The following MAP3K2 variants were observed in gnomAD, a reference collection of about 807,000 sequenced individuals.
MAP3K2 encodes MAP/ERK kinase kinase 2.
MAP3K2 carries 24 observed loss-of-function variants against 80.3 expected under a neutral mutation model. The observed-to-expected ratio is 0.30, with a 90% CI of 0.22 to 0.42. MAP3K2 has a LOEUF of 0.42. Among genes scored for constraint, MAP3K2 ranks in the 10% least tolerant of loss-of-function variants. The pLI is 1.00. For synonymous variants in MAP3K2, 244 were observed against 253.7 expected (o/e 0.96, Z 0.36); for missense variants, 608 against 750.1 (o/e 0.81, Z 2.21).
At chr2:127,368,232 G>GA (rs1363969651) in intron 1 of MAP3K2, among the ~76,000 whole-genome samples, 3 of 151,978 alleles carry the variant, frequency 2.0e-5, no homozygotes, top group Non-Finnish European at 2.9e-5. Context: ...TGAGGCACAA[G>GA]AATCACTTGA....
At chr2:127,371,018 T>C (rs1687054346) in intron 1 of MAP3K2, among the ~76,000 whole-genome samples, 2 of 152,296 alleles carry the variant, frequency 1.3e-5, no homozygotes, top group Non-Finnish European at 2.9e-5. Flanking sequence ...TGCCCAGTAA[T>C]GCAAGAACGA....
chr2:127,367,835 G>C (rs897496396), intron 1 of MAP3K2, among the ~76,000 whole-genome samples: 1 of 152,074 alleles, frequency 6.6e-6, no homozygotes, highest in South Asian at 2.1e-4. Context: ...AACAAAGCCA[G>C]TCAAACTTTA....
In MAP3K2 at chr2:127,317,771, G is replaced by T. The variant is rs1287663461; in HGVS notation, c.1195-11C>A. On this transcript the variant is annotated splice_polypyrimidine_tract_variant and intron_variant, in intron 13 of 16. Coordinates refer to ENST00000682094, the MANE Select transcript of MAP3K2 (RefSeq NM_001371910.2). ...AAGTGCATTTACTTCCTGAAAGAGA[G>T]AATTCATTGTTAAGTCTTCAACAAT... 2 of 1,594,930 alleles carry T rather than the reference G, an allele frequency of 1.3e-6. No homozygotes were observed. Among genetic ancestry groups the T allele is most frequent in the East Asian group, 2.2e-5 (1 of 44,454 alleles).
At chr2:127,328,869 CTCTTT>C (rs1185432774) in intron 7 of MAP3K2, among the ~76,000 whole-genome samples, 1 of 152,112 alleles carries the variant, frequency 6.6e-6, no homozygotes, top group Non-Finnish European at 1.5e-5. Context: ...GTTTTTCCTC[CTCTTT>C]AACTTTTCTC....
chr2:127,354,813 C>A (rs924342378), intron 1 of MAP3K2, among the ~76,000 whole-genome samples: 1 of 151,904 alleles, frequency 6.6e-6, no homozygotes. Context: ...AGAATTAGTA[C>A]AGTTGTCACA....
rs749525172 is a variant in MAP3K2 at position 127,322,178 on chromosome 2, C to T, written c.913G>A (p.Asp305Asn). 1 of 1,613,948 alleles carries T rather than the reference C, an allele frequency of 6.2e-7. No homozygotes were observed. The highest frequency in any genetic ancestry group is 1.3e-5 in the African/African-American group (1 of 75,026). ...CCACTACTAGTGCTTAAGGAATGAT[C>T]AGTAGGACTGAAACTCACAGGAGAC... The part of the protein sequence containing the change: ...LRSPVSFSPT[D>N]HSLSTSSGSS... Residue 305 changes from aspartate (D) to asparagine (N), a missense_variant, in exon 12 of 17, where the codon GAT (aspartate) becomes AAT (asparagine). Around this residue, in one of 4 missense-constraint regions of MAP3K2, gnomAD observed 467 missense variants for 521.9 expected, o/e 0.89. Coordinates refer to ENST00000682094, the MANE Select transcript of MAP3K2 (RefSeq NM_001371910.2). This position sits in a 1 kb window ranked among gnomAD's most constrained non-coding sequence, Gnocchi z 4.2.
chr2:127,338,962 T>C lies in MAP3K2; in HGVS notation c.93A>G (p.Arg31=). The change falls in exon 3 of 17, where the codon AGA becomes AGG. Residue 31 remains arginine (R), a synonymous_variant. Coordinates refer to ENST00000682094, the MANE Select transcript of MAP3K2 (RefSeq NM_001371910.2). The part of the protein sequence containing the change: ...SRPALSLQET[R]KAKSSSPKKQ... ...TTTTTGGTGATGAAGATTTTGCTTT[T>C]CTGGTTTCCTGCAAGGATAATGCTG... 6.2e-7 allele frequency: 1 copy of C among 1,610,744 alleles called. No individual in the cohort carries two copies.
At position 127,387,514 on chromosome 2, in the gene MAP3K2, G is replaced by A. The variant is rs1429599171; in HGVS notation, c.-128C>T. The A allele has an allele frequency of 5.1e-6, 5 of 984,504 alleles. No individual in the cohort carries two copies. The highest frequency in any genetic ancestry group is 9.4e-5 in the South Asian group (2 of 21,292). The allele number at this position is 984,504 out of a possible 1,614,324, so 61.0% of individuals were successfully genotyped here. A position where few individuals can be genotyped will look rare whatever the true frequency, so the allele number is the denominator to read the frequency against. On this transcript the variant is annotated 5_prime_UTR_variant, in exon 1 of 17. Coordinates refer to ENST00000682094, the MANE Select transcript of MAP3K2 (RefSeq NM_001371910.2). The stretch of plus-strand genomic sequence containing the variant: ...AGGAGGGGCCGCCCCCGCCGAGCCC[G>A]CCCCTCCGCCCCAGCGCGGCCTGTC...
In MAP3K2 at chr2:127,317,154, T is replaced by C. The variant is rs550526943; in HGVS notation, c.1326+475A>G. Among the ~76,000 whole-genome samples, 181 of 151,866 alleles carry C rather than the reference T, an allele frequency of 1.2e-3. 3 individuals are homozygous for C. In the South Asian group the frequency reaches 0.037, roughly 31 times the overall value. On this transcript the variant is annotated intron_variant, in intron 14 of 16. Coordinates refer to ENST00000682094, the MANE Select transcript of MAP3K2 (RefSeq NM_001371910.2). The stretch of plus-strand genomic sequence containing the variant: ...TATATCATGTACAAATTGACTGCTC[T>C]AGATAGTAATCCTAGCACTTTGGGA...
chr2:127,387,890 C>A lies in MAP3K2; in HGVS notation c.-504G>T. 1.0e-6 allele frequency: 1 copy of A among 982,158 alleles called. No individual in the cohort carries two copies. Among genetic ancestry groups the A allele is most frequent in the Non-Finnish European group, 1.2e-6 (1 of 827,164 alleles). 60.8% of individuals were successfully genotyped at this position (982,158 alleles called of 1,614,324 possible). ...CGCCGCGGGCCGTGCAACCCCCGAACGCTGCGCCCAGCGGCCGCGGCACCC... is the reference window on the plus strand; with the variant it reads ...CGCCGCGGGCCGTGCAACCCCCGAAAGCTGCGCCCAGCGGCCGCGGCACCC... On this transcript the variant is annotated 5_prime_UTR_variant, in exon 1 of 17. Coordinates refer to ENST00000682094, the MANE Select transcript of MAP3K2 (RefSeq NM_001371910.2).
intron 1 of MAP3K2, among the ~76,000 whole-genome samples, chr2:127,367,058 T>C (rs1686986329): frequency 1.3e-5 from 2 of 151,768 alleles, no homozygotes; most frequent in African/African-American, 4.8e-5. Flanking sequence ...TTTATTAATA[T>C]ACATTACATG....
chr2:127,298,684 T>C lies in MAP3K2; in HGVS notation c.*8895A>G, dbSNP rs890852196. ...AAAAACCAATCACAGTGGAAATAAA[T>C]ATTAGCTTTATTAACACTCAAAGTG... On this transcript the variant is annotated 3_prime_UTR_variant, in exon 17 of 17. Coordinates refer to ENST00000682094, the MANE Select transcript of MAP3K2 (RefSeq NM_001371910.2). The C allele has an allele frequency of 3.9e-5, 6 of 152,236 alleles. No homozygotes were observed. Among genetic ancestry groups the C allele is most frequent in the Non-Finnish European group, 5.9e-5 (4 of 68,044 alleles). The allele number at this position is 152,236 out of a possible 1,614,324, so 9.4% of individuals were successfully genotyped here.
Position 127,366,679 on chromosome 2 carries a change from T to G in MAP3K2, c.-66+20773A>C, listed in dbSNP as rs139369256. On this transcript the variant is annotated intron_variant, in intron 1 of 16. Coordinates refer to ENST00000682094, the MANE Select transcript of MAP3K2 (RefSeq NM_001371910.2). ...ACTGTATGTACAATTTTTCCAATAC[T>G]TTTTTTCCTTCTCCAAAAAGATCTT... Among the ~76,000 whole-genome samples the G allele has an allele frequency of 1.7e-3, 265 of 152,154 alleles. 1 individual carries two copies. Among genetic ancestry groups the G allele is most frequent in the Middle Eastern group, 0.01 (3 of 294 alleles).
intron 1 of MAP3K2, among the ~76,000 whole-genome samples, chr2:127,384,236 T>A (rs1036534501): frequency 1.5e-5 from 2 of 134,270 alleles, no homozygotes; most frequent in Non-Finnish European, 3.2e-5. Flanking sequence ...ATATATATAT[T>A]GCTTTTTTAG....
At chr2:127,368,101 C>G (rs1687002314) in intron 1 of MAP3K2, among the ~76,000 whole-genome samples, 1 of 151,738 alleles carries the variant, frequency 6.6e-6, no homozygotes, top group South Asian at 2.1e-4. Flanking sequence ...GCGGGTGGAT[C>G]ACTTGAGGTC....
intron 1 of MAP3K2, among the ~76,000 whole-genome samples, chr2:127,384,593 G>T (rs1026349550): frequency 3.3e-5 from 5 of 152,080 alleles, no homozygotes; most frequent in Non-Finnish European, 7.4e-5. Context: ...AAGAGCAAGA[G>T]AACTACAATT....
At chr2:127,359,507 A>T (rs1481190430) in intron 1 of MAP3K2, among the ~76,000 whole-genome samples, 3 of 152,362 alleles carry the variant, frequency 2.0e-5, no homozygotes, top group Middle Eastern at 6.8e-3. Context: ...TTGATGAGAG[A>T]GTGTCAAGCG....
chr2:127,337,800 GTC>G (rs1382209586), intron 3 of MAP3K2, 22 bp from the exon 4 acceptor site: 35 of 1,436,658 alleles, frequency 2.4e-5, no homozygotes, highest in Non-Finnish European at 3.0e-5. Flanking sequence ...TGACAAATCA[GTC>G]TTTCAGAGAT....
chr2:127,326,442 TATC>T (rs1468580145), intron 8 of MAP3K2, among the ~76,000 whole-genome samples: 1 of 152,188 alleles, frequency 6.6e-6, no homozygotes, highest in African/African-American at 2.4e-5. Flanking sequence ...GCAAATGCAT[TATC>T]ATTCACTCAC....
Sources: allele counts gnomAD v4.1 joint callset (sites outside exome capture counted in the v4.1 genomes callset), GRCh38; gene constraint gnomAD v4.1.1; regional missense constraint gnomAD v4.1.1; non-coding constraint Gnocchi (gnomAD v3.1); transcripts MANE v1.5; gene names NCBI Gene and HGNC (gene_info 2026-07-23, HGNC 2026-07-21).